Variants in CNIH3 observed in about 807,000 individuals in gnomAD.
CNIH3 encodes cornichon family AMPA receptor auxiliary protein 3.
In CNIH3, 14 loss-of-function variants were observed where a neutral mutation model predicts 24.1. That is an observed-to-expected ratio of 0.58 (90% CI 0.38 to 0.91). CNIH3 has a LOEUF of 0.91. Among genes scored for constraint, CNIH3 ranks in the 40% least tolerant of loss-of-function variants. CNIH3 has a pLI of 0.00. For missense variants in CNIH3, 178 were observed against 196.8 expected (o/e 0.90, Z 0.57); for synonymous variants, 68 against 73.8 (o/e 0.92, Z 0.40).
At chr1:224,502,278 T>C (rs1254225776) in intron 1 of CNIH3, among the ~76,000 whole-genome samples, 2 of 152,036 alleles carry the variant, frequency 1.3e-5, no homozygotes, top group African/African-American at 2.4e-5. Context: ...GTGAGTGAGA[T>C]TGCAGCCAGA....
At chr1:224,716,763 C>T (rs1395950540) in intron 3 of CNIH3, among the ~76,000 whole-genome samples, 2 of 152,142 alleles carry the variant, frequency 1.3e-5, no homozygotes, top group Admixed American at 1.3e-4. Context: ...AGTCTGCCTT[C>T]CCCTCCCTCT....
chr1:224,656,018 C>T (rs117932988), intron 1 of CNIH3, among the ~76,000 whole-genome samples: 4 of 152,238 alleles, frequency 2.6e-5, no homozygotes, highest in South Asian at 2.1e-4. Flanking sequence ...TGTTAAGACC[C>T]GGGAGTGTCA....
chr1:224,534,723 A>G (rs572470608), intron 2 of CNIH3, among the ~76,000 whole-genome samples: 18 of 152,330 alleles, frequency 1.2e-4, no homozygotes, highest in African/African-American at 4.3e-4. Context: ...AGCTGCTATG[A>G]TCATATATCA....
At chr1:224,550,757 G>A (rs560897553) in intron 3 of CNIH3, among the ~76,000 whole-genome samples, 16 of 152,016 alleles carry the variant, frequency 1.1e-4, no homozygotes, top group African/African-American at 3.1e-4. Context: ...CAATGTGCAG[G>A]TGAGTTACAT....
At chr1:224,531,438 G>T (rs772918969) in intron 2 of CNIH3, among the ~76,000 whole-genome samples, 4 of 152,182 alleles carry the variant, frequency 2.6e-5, no homozygotes, top group Non-Finnish European at 5.9e-5. Context: ...TGTCTGGAAA[G>T]GCTTTCTAGG....
intron 1 of CNIH3, among the ~76,000 whole-genome samples, chr1:224,663,837 A>G (rs1480603516): frequency 6.6e-6 from 1 of 152,228 alleles, no homozygotes; most frequent in Non-Finnish European, 1.5e-5. Context: ...ACCGAAATTT[A>G]CCTTCAGCCA....
chr1:224,662,138 A>G (rs887524912), intron 1 of CNIH3, among the ~76,000 whole-genome samples: 13 of 152,232 alleles, frequency 8.5e-5, no homozygotes, highest in African/African-American at 2.7e-4. Flanking sequence ...TGCCTATATT[A>G]TAACCCTTTC....
chr1:224,651,323 G>T (rs903323261), intron 1 of CNIH3, among the ~76,000 whole-genome samples: 6 of 152,184 alleles, frequency 3.9e-5, no homozygotes, highest in Admixed American at 1.3e-4. Flanking sequence ...CTCTGTTAGC[G>T]TTCTGGTGAC....
intron 1 of CNIH3, among the ~76,000 whole-genome samples, chr1:224,631,816 C>A (rs1051804690): frequency 2.0e-5 from 3 of 152,162 alleles, no homozygotes; most frequent in Non-Finnish European, 4.4e-5. Flanking sequence ...AGTCTTGGCA[C>A]TAACTACTTC....
intron 1 of CNIH3, among the ~76,000 whole-genome samples, chr1:224,487,954 T>G (rs1677091598): frequency 6.6e-6 from 1 of 152,202 alleles, no homozygotes; most frequent in South Asian, 2.1e-4. Context: ...CTTAATCTTT[T>G]TGAAAACCCT....
At chr1:224,591,340 T>G (rs917942953), downstream of CNIH3, among the ~76,000 whole-genome samples, 3 of 152,208 alleles carry the variant, frequency 2.0e-5, no homozygotes, top group Non-Finnish European at 2.9e-5. Context: ...AGCTCTTCAG[T>G]GGGACTCCCT....
chr1:224,476,628 A>C (rs141341406), intron 1 of CNIH3, among the ~76,000 whole-genome samples: 36 of 152,328 alleles, frequency 2.4e-4, no homozygotes, highest in African/African-American at 8.2e-4. Context: ...GAAAACTATA[A>C]AACACTGATG....
intron 5 of CNIH3, among the ~76,000 whole-genome samples, chr1:224,735,458 G>A (rs1231240960): frequency 6.6e-6 from 1 of 151,946 alleles, no homozygotes; most frequent in Non-Finnish European, 1.5e-5. Flanking sequence ...TGTCACTTGC[G>A]ATTCCATCAT....
chr1:224,576,434 T>G (rs1417032511), intron 4 of CNIH3, among the ~76,000 whole-genome samples: 6 of 152,216 alleles, frequency 3.9e-5, no homozygotes, highest in African/African-American at 1.4e-4. Flanking sequence ...ATACTTATAA[T>G]TTTTTGGAAT....
At chr1:224,521,656 C>G (rs1436372194) in intron 2 of CNIH3, 2 of 152,156 alleles carry the variant, frequency 1.3e-5, no homozygotes, top group Admixed American at 1.3e-4. Context: ...GCTATTTTAC[C>G]TGCCTACCTA....
At chr1:224,520,291 G>A (rs955105806) in intron 1 of CNIH3, among the ~76,000 whole-genome samples, 3 of 152,120 alleles carry the variant, frequency 2.0e-5, no homozygotes, top group Non-Finnish European at 4.4e-5. Flanking sequence ...AACACATTAA[G>A]CCTTATATAG....
intron 3 of CNIH3, among the ~76,000 whole-genome samples, chr1:224,549,810 A>C (rs985394509): frequency 2.6e-5 from 4 of 152,120 alleles, no homozygotes; most frequent in Non-Finnish European, 4.4e-5. Flanking sequence ...CAGTGCTTAC[A>C]TTTACAATTA....
intron 1 of CNIH3, among the ~76,000 whole-genome samples, chr1:224,628,626 A>G (rs1683661493): frequency 6.6e-6 from 1 of 151,996 alleles, no homozygotes; most frequent in Admixed American, 6.5e-5. Flanking sequence ...TCTCCTTTTT[A>G]AGGTTGAGTA....
At chr1:224,656,258 A>G (rs1171310629) in intron 1 of CNIH3, among the ~76,000 whole-genome samples, 1 of 152,238 alleles carries the variant, frequency 6.6e-6, no homozygotes, top group African/African-American at 2.4e-5. Context: ...GCGCACTGGA[A>G]GACCATGATC....
Sources: allele counts gnomAD v4.1 joint callset (sites outside exome capture counted in the v4.1 genomes callset), GRCh38; gene constraint gnomAD v4.1.1; transcripts MANE v1.5; gene names NCBI Gene and HGNC (gene_info 2026-07-23, HGNC 2026-07-21).